DLX5: variants seen among roughly 807,000 people sequenced by gnomAD.
DLX5 encodes the protein homeobox protein DLX-5.
Under a neutral mutation model 27.1 loss-of-function variants are expected in DLX5, and 8 were observed. The ratio of observed to expected loss-of-function variants is 0.30; its 90% CI spans 0.17 to 0.53. DLX5 has a LOEUF of 0.53. Among genes scored for constraint, DLX5 ranks in the 20% least tolerant of loss-of-function variants. DLX5 has a pLI of 0.95. For missense variants in DLX5, 339 were observed against 375.1 expected (o/e 0.90, Z 0.80); for synonymous variants, 178 against 161.9 (o/e 1.10, Z -0.75).
rs778847173 is a variant in DLX5 at position 97,020,803 on chromosome 7, T to C, written c.803A>G (p.Asn268Ser). The change falls in exon 3 of 3, where the codon AAT becomes AGT. Residue 268 changes from asparagine to serine, a missense_variant. By Grantham distance (46) the Asn-to-Ser change is conservative (BLOSUM62 1). This residue lies in a region of DLX5 where 136 missense variants were observed against 130.3 expected (regional missense o/e 1.04). Coordinates refer to ENST00000648378, the MANE Select transcript of DLX5 (RefSeq NM_005221.6). ...GGAGCCCGGCGGCGGCAGGTGGGAA[T>C]TGATTGAGCTGGCTGCACTTGTGTA... ...SWYTSAASSI[N>S]SHLPPPGSLQ... 3.1e-6 allele frequency: 5 copies of C among 1,610,978 alleles called. No homozygotes were observed. In the South Asian group the frequency reaches 3.3e-5, roughly 11 times the overall value.
In DLX5 at chr7:97,022,250, T is replaced by C; in HGVS notation, c.475A>G (p.Thr159Ala). ...CGTTCCGGCAAGGCGAGGTACTGAG[T>C]CTTCTGAAACCTTCTCTGTAATGCG... ...LAALQRRFQK[T>A]QYLALPERAE... Residue 159 changes from threonine (T) to alanine (A), a missense_variant, in exon 2 of 3, where the codon ACT becomes GCT. Coordinates refer to ENST00000648378, the MANE Select transcript of DLX5 (RefSeq NM_005221.6). The C allele has an allele frequency of 2.5e-6, 4 of 1,614,192 alleles. No homozygotes were observed. Among genetic ancestry groups the C allele is most frequent in the Non-Finnish European group, 3.4e-6 (4 of 1,180,034 alleles).
Position 97,024,102 on chromosome 7 carries a change from T to C in DLX5, c.355+167A>G, listed in dbSNP as rs1334920883. ...GCTCTCCTACTAAAAATCCCTAAAA[T>C]GCTGGCCCGAGAAACTCTCTTTGTT... is the stretch of plus-strand genomic sequence containing the variant. On this transcript the variant is annotated intron_variant, in intron 1 of 2. Transcript: ENST00000648378. This position sits in a 1 kb window ranked among gnomAD's most constrained non-coding sequence, Gnocchi z 4.6. Among the ~76,000 whole-genome samples, 3 of 152,136 alleles carry C rather than the reference T, an allele frequency of 2.0e-5. No individual in the cohort carries two copies. The highest frequency in any genetic ancestry group is 7.2e-5 in the African/African-American group (3 of 41,434).
At chr7:97,022,014 A>T in intron 2 of DLX5, 171 bp downstream of exon 2, 1 of 741,764 alleles carries the variant, frequency 1.3e-6, no homozygotes, top group Non-Finnish European at 2.3e-6. Context: ...TACCATCCCC[A>T]CCGTCTCAAG....
Position 97,021,079 on chromosome 7 carries a change from C to T in DLX5, c.541-14G>A. ...CCAGATTTTCACCTGAGTTGGGGAA[C>T]AAAGGCACACGTTACCGGGACACTC... On this transcript the variant is annotated splice_polypyrimidine_tract_variant and intron_variant, in intron 2 of 2. Transcript: ENST00000648378. The T allele has an allele frequency of 6.3e-7, 1 of 1,591,078 alleles. No individual in the cohort carries two copies. The highest frequency in any genetic ancestry group is 1.7e-5 in the Admixed American group (1 of 59,262).
intron 2 of DLX5, among the ~76,000 whole-genome samples, 166 bp from the exon 3 acceptor site, chr7:97,021,231 C>T (rs1185489549): frequency 6.6e-6 from 1 of 152,222 alleles, no homozygotes; most frequent in African/African-American, 2.4e-5. Flanking sequence ...CTTAGGCAAA[C>T]CATGGAGCTC....
Position 97,020,669 on chromosome 7 carries a change from C to T in DLX5, c.*67G>A. On this transcript the variant is annotated 3_prime_UTR_variant, in exon 3 of 3. Transcript: ENST00000648378. ...CGAACTTCCCCATATGAATTCCTTT[C>T]TTTATGATTTTCTAGAACAGCAAAA... The T allele has an allele frequency of 7.0e-7, 1 of 1,420,962 alleles. No homozygotes were observed. Among genetic ancestry groups the T allele is most frequent in the South Asian group, 1.7e-5 (1 of 58,416 alleles). 88.0% of individuals were successfully genotyped at this position (1,420,962 alleles called of 1,614,324 possible).
rs776399251 is a variant in DLX5 at position 97,024,440 on chromosome 7, T to C, written c.184A>G (p.Thr62Ala). The change falls in exon 1 of 3, where the codon ACC becomes GCC. Residue 62 changes from threonine to alanine, a missense_variant. By Grantham distance (58) the Thr-to-Ala change is moderately conservative. Around this residue, in one of 3 missense-constraint regions of DLX5, gnomAD observed 188 missense variants for 206.1 expected, o/e 0.91. Transcript: ENST00000648378. The surrounding 1 kb of genome is among the most constrained non-coding windows in gnomAD (Gnocchi z 4.6). Reference protein sequence around the residue: ...GGAPHGYCSPTSASYGKALNP... With the variant: ...GGAPHGYCSPASASYGKALNP... ...AGAGCTTTGCCATAGGAAGCCGAGGTAGGAGAGCAGTAGCCGTGCGGGGCT... is the reference window on the plus strand; with the variant it reads ...AGAGCTTTGCCATAGGAAGCCGAGGCAGGAGAGCAGTAGCCGTGCGGGGCT... 2 of 1,614,102 alleles carry C rather than the reference T, an allele frequency of 1.2e-6. No individual in the cohort carries two copies. Among genetic ancestry groups the C allele is most frequent in the Non-Finnish European group, 1.7e-6 (2 of 1,180,028 alleles).
intron 1 of DLX5, among the ~76,000 whole-genome samples, chr7:97,023,335 A>T (rs1184611122): frequency 9.3e-6 from 1 of 107,478 alleles, no homozygotes; most frequent in Non-Finnish European, 1.9e-5. Context: ...GAACCTCTCC[A>T]GGGTGTGTGT....
chr7:97,024,511 G>T lies in DLX5; in HGVS notation c.113C>A (p.Pro38His). 6.2e-7 allele frequency: 1 copy of T among 1,614,248 alleles called. No individual in the cohort carries two copies. Among genetic ancestry groups the T allele is most frequent in the African/African-American group, 1.3e-5 (1 of 75,066 alleles). Residue 38 changes from proline (P) to histidine (H), a missense_variant, in exon 1 of 3, where the codon CCC (proline) becomes CAC (histidine). Transcript: ENST00000648378. This position sits in a 1 kb window ranked among gnomAD's most constrained non-coding sequence, Gnocchi z 4.6. The stretch of plus-strand genomic sequence containing the variant: ...GTCAGAATCGGTAGCTGAAGACTCG[G>T]GCAAAGTTGGCGATTCCTGAGACGG... ...HHPSQESPTLPESSATDSDYY... is the reference protein window; with the variant it reads ...HHPSQESPTLHESSATDSDYY...
At chr7:97,023,337 GGTGTGTGTGTGTGTGTGTGTGT>G (rs10525881) in intron 1 of DLX5, among the ~76,000 whole-genome samples, 1 of 145,404 alleles carries the variant, frequency 6.9e-6, no homozygotes, top group Non-Finnish European at 1.5e-5. Flanking sequence ...ACCTCTCCAG[GGTGTGTGTGTGTGTGTGTGTGT>G]GTGTGTGTGT....
At chr7:97,021,951 G>A in intron 2 of DLX5, 1 of 613,522 alleles carries the variant, frequency 1.6e-6, no homozygotes, top group Non-Finnish European at 2.9e-6. Flanking sequence ...GCCCGCTACG[G>A]GGTGGGGGCG....
rs2115919602 is a variant in DLX5 at position 97,024,501 on chromosome 7, T to A, written c.123A>T (p.Ser41=). Residue 41 remains serine, a synonymous_variant, in exon 1 of 3, where the codon TCA becomes TCT. Coordinates refer to ENST00000648378, the MANE Select transcript of DLX5 (RefSeq NM_005221.6). The surrounding 1 kb of genome is among the most constrained non-coding windows in gnomAD (Gnocchi z 4.6). ...SQESPTLPES[S]ATDSDYYSPT... ...GGCTGTAGTAGTCAGAATCGGTAGC[T>A]GAAGACTCGGGCAAAGTTGGCGATT... 1 of 1,614,244 alleles carries A rather than the reference T, an allele frequency of 6.2e-7. No individual in the cohort carries two copies.
chr7:97,021,119 C>T (rs1790046452), intron 2 of DLX5, 54 bp from the exon 3 acceptor site: 2 of 1,520,770 alleles, frequency 1.3e-6, no homozygotes, highest in Admixed American at 1.9e-5. Flanking sequence ...GTCGCCCGCG[C>T]CTTCCCCGGG....
chr7:97,024,566 G>C lies in DLX5; in HGVS notation c.58C>G (p.Pro20Ala). The change falls in exon 1 of 3, where the codon CCG (proline) becomes GCG (alanine). Residue 20 changes from proline to alanine, a missense_variant. Physicochemically the swap from Pro to Ala is conservative, Grantham distance 27 (BLOSUM62 -1). Around this residue, in one of 3 missense-constraint regions of DLX5, gnomAD observed 188 missense variants for 206.1 expected, o/e 0.91. Coordinates refer to ENST00000648378, the MANE Select transcript of DLX5 (RefSeq NM_005221.6). This position sits in a 1 kb window ranked among gnomAD's most constrained non-coding sequence, Gnocchi z 4.6. ...PSIRSGDFQA[P>A]FQTSAAMHHP... ...TGCATAGCTGCGGACGTCTGGAACG[G>C]AGCTTGGAAGTCGCCGGATCGGATG... 1 of 1,610,684 alleles carries C rather than the reference G, an allele frequency of 6.2e-7. No homozygotes were observed. The highest frequency in any genetic ancestry group is 8.5e-7 in the Non-Finnish European group (1 of 1,177,076).
At position 97,024,029 on chromosome 7, in the gene DLX5, C is replaced by A. The variant is rs1790131820; in HGVS notation, c.355+240G>T. Among the ~76,000 whole-genome samples, 1 of 152,184 alleles carries A rather than the reference C, an allele frequency of 6.6e-6. No homozygotes were observed. Among genetic ancestry groups the A allele is most frequent in the Non-Finnish European group, 1.5e-5 (1 of 68,034 alleles). On this transcript the variant is annotated intron_variant, in intron 1 of 2. Transcript: ENST00000648378. This position sits in a 1 kb window ranked among gnomAD's most constrained non-coding sequence, Gnocchi z 4.6. ...AGCTGGGAATTCAGCGACTGAAGGG[C>A]CTTGGAAGGTGCCGGAGGGGAGAGA... is the stretch of plus-strand genomic sequence containing the variant.
Position 97,024,313 on chromosome 7 carries a change from T to C in DLX5, c.311A>G (p.Tyr104Cys), listed in dbSNP as rs781358596. Residue 104 changes from tyrosine to cysteine, a missense_variant, in exon 1 of 3, where the codon TAC (tyrosine) becomes TGC (cysteine). Around this residue, in one of 3 missense-constraint regions of DLX5, gnomAD observed 188 missense variants for 206.1 expected, o/e 0.91. Transcript: ENST00000648378. The surrounding 1 kb of genome is among the most constrained non-coding windows in gnomAD (Gnocchi z 4.6). ...TGGGACGCGGTTGTAGGCGCCGCCG[T>C]ACTGGTGGTAGGAGCTAGCGTAGCT... ...DYSYASSYHQ[Y>C]GGAYNRVPSA... The C allele has an allele frequency of 8.7e-6, 14 of 1,614,082 alleles. No homozygotes were observed. Among genetic ancestry groups the C allele is most frequent in the Middle Eastern group, 3.3e-4 (2 of 6,084 alleles).
At chr7:97,023,875 C>T (rs1211938247) in intron 1 of DLX5, among the ~76,000 whole-genome samples, 1 of 151,850 alleles carries the variant, frequency 6.6e-6, no homozygotes, top group Non-Finnish European at 1.5e-5. Context: ...CCCACTCGCA[C>T]CAACCCAGCA....
Position 97,023,337 on chromosome 7 carries a change from GGTGTGTGTGT to G in DLX5, c.355+922_355+931del, listed in dbSNP as rs10525881. 2.1e-3 allele frequency among the ~76,000 whole-genome samples: 306 copies of G among 145,506 alleles called. 2 individuals carry two copies. Among genetic ancestry groups the G allele is most frequent in the African/African-American group, 6.7e-3 (261 of 39,124 alleles). The stretch of plus-strand genomic sequence containing the variant: ...TGGAACTGACGGAGAACCTCTCCAG[GGTGTGTGTGT>G]GTGTGTGTGTGTGTGTGTGTGTGTG... On this transcript the variant is annotated intron_variant, in intron 1 of 2. Coordinates refer to ENST00000648378, the MANE Select transcript of DLX5 (RefSeq NM_005221.6).
In DLX5 at chr7:97,024,304, GCGC is replaced by G; in HGVS notation, c.317_319del (p.Gly106del). On this transcript the variant is annotated inframe_deletion, in exon 1 of 3. Coordinates refer to ENST00000648378, the MANE Select transcript of DLX5 (RefSeq NM_005221.6). The surrounding 1 kb of genome is among the most constrained non-coding windows in gnomAD (Gnocchi z 4.6). The stretch of plus-strand genomic sequence containing the variant: ...GGTGGCGCTTGGGACGCGGTTGTAG[GCGC>G]CGCCGTACTGGTGGTAGGAGCTAGC... The G allele has an allele frequency of 6.2e-7, 1 of 1,614,112 alleles. No individual in the cohort carries two copies. Among genetic ancestry groups the G allele is most frequent in the South Asian group, 1.1e-5 (1 of 91,086 alleles).
Sources: gnomAD v4.1 joint callset for allele counts (sites outside exome capture counted in the v4.1 genomes callset) on GRCh38, gnomAD v4.1.1 for gene constraint, gnomAD v4.1.1 regional missense constraint, Gnocchi (gnomAD v3.1) non-coding constraint, MANE v1.5 for transcripts, NCBI Gene and HGNC (gene_info 2026-07-23, HGNC 2026-07-21) for gene names.